Variants in ATP9B observed in about 807,000 individuals in gnomAD.
The protein encoded by ATP9B is ATPase phospholipid transporting 9B.
In ATP9B, 110 loss-of-function variants were observed where a neutral mutation model predicts 146.1. That is an observed-to-expected ratio of 0.75 (90% CI 0.65 to 0.88). ATP9B has a LOEUF of 0.88. ATP9B is among the 40% of genes least tolerant of loss of function. ATP9B has a pLI of 0.00. For missense variants in ATP9B, 1,499 were observed against 1,496.4 expected (o/e 1.00, Z -0.03); for synonymous variants, 604 against 569.7 (o/e 1.06, Z -0.86).
intron 15 of ATP9B, 79 bp downstream of exon 15, chr18:79,307,313 A>T: frequency 6.3e-7 from 1 of 1,585,864 alleles, no homozygotes; most frequent in East Asian, 2.2e-5. Context: ...TCTTTCTGGG[A>T]TGGGGAATAT....
At chr18:79,162,590 C>T (rs538296355) in intron 7 of ATP9B, among the ~76,000 whole-genome samples, 30 of 152,024 alleles carry the variant, frequency 2.0e-4, no homozygotes, top group East Asian at 3.9e-4. Context: ...GTTAGTGGGA[C>T]GGGGTGGTGG....
At chr18:79,318,273 C>T (rs541255431) in intron 15 of ATP9B, among the ~76,000 whole-genome samples, 3 of 152,350 alleles carry the variant, frequency 2.0e-5, no homozygotes, top group South Asian at 4.1e-4. Flanking sequence ...AGTAGCTTGA[C>T]GACCTCAGTC....
chr18:79,277,307 G>A, intron 13 of ATP9B, 111 bp downstream of exon 13: 2 of 1,333,866 alleles, frequency 1.5e-6, no homozygotes, highest in East Asian at 2.4e-5. Context: ...GTATGTATTG[G>A]AACAGATCAT....
chr18:79,246,024 AGGAGGGCACCGCCCTACTGACTGTGC>A (rs1568484779), intron 11 of ATP9B, among the ~76,000 whole-genome samples: 4 of 103,892 alleles, frequency 3.9e-5, no homozygotes, highest in Non-Finnish European at 2.0e-5. Context: ...CTACTGACTG[AGGAGGGCACCGCCCTACTGACTGTGC>A]GGAGGGCACC....
chr18:79,285,821 CA>C (rs2096433206), intron 13 of ATP9B, among the ~76,000 whole-genome samples: 1 of 152,144 alleles, frequency 6.6e-6, no homozygotes, highest in African/African-American at 2.4e-5. Context: ...GATCCAGTTT[CA>C]GCTTTCTACA....
chr18:79,294,096 T>C (rs1190372527), intron 13 of ATP9B, among the ~76,000 whole-genome samples: 1 of 152,176 alleles, frequency 6.6e-6, no homozygotes, highest in Non-Finnish European at 1.5e-5. Context: ...TGGATTAAAA[T>C]AGTGCTTTAA....
Position 79,210,327 on chromosome 18 carries a change from C to T in ATP9B, c.1030+3315C>T, listed in dbSNP as rs77112861. Among the ~76,000 whole-genome samples, 1,256 of 152,332 alleles carry T rather than the reference C, an allele frequency of 8.2e-3. 49 individuals are homozygous for T. The highest frequency in any genetic ancestry group is 0.068 in the Admixed American group (1,033 of 15,294). On this transcript the variant is annotated intron_variant, in intron 10 of 29. Transcript: ENST00000426216. ...CAAGGTTGACAAAAGTGTGACGGGG[C>T]TGTCAGAGGGCAATCCCTGGCCATG...
intron 12 of ATP9B, among the ~76,000 whole-genome samples, chr18:79,269,940 TAAGCTTTTCTAACCTTGAA>T (rs1386944752): frequency 1.3e-5 from 2 of 152,358 alleles, no homozygotes; most frequent in East Asian, 3.9e-4. Context: ...GATAGAAAAC[TAAGCTTTTCTAACCTTGAA>T]AAGCTCCTGC....
chr18:79,199,206 C>T (rs1472479055), intron 9 of ATP9B, among the ~76,000 whole-genome samples: 1 of 152,028 alleles, frequency 6.6e-6, no homozygotes, highest in Admixed American at 6.6e-5. Flanking sequence ...CTGCCTTGGC[C>T]TCCCAAAGTG....
rs761759241 is a variant in ATP9B at position 79,110,411 on chromosome 18, C to T, written c.350C>T (p.Thr117Ile). ...AGAAAGAAAGAGCTGAAAGCTCGCACAGTATGGCTTGGATGTCCTGAAAAG... is the reference window on the plus strand; with the variant it reads ...AGAAAGAAAGAGCTGAAAGCTCGCATAGTATGGCTTGGATGTCCTGAAAAG... The part of the protein sequence containing the change: ...CRRKKELKAR[T>I]VWLGCPEKCE... The change falls in exon 3 of 30, where the codon ACA becomes ATA. Residue 117 changes from threonine (T) to isoleucine (I), a missense_variant. Thr to Ile is a moderately conservative substitution (Grantham distance 89). Transcript: ENST00000426216. 1.2e-5 allele frequency: 19 copies of T among 1,610,848 alleles called. No homozygotes were observed. Among genetic ancestry groups the T allele is most frequent in the Non-Finnish European group, 1.4e-5 (17 of 1,178,154 alleles).
At chr18:79,355,022 G>A (rs898477799) in intron 25 of ATP9B, among the ~76,000 whole-genome samples, 4 of 152,200 alleles carry the variant, frequency 2.6e-5, no homozygotes, top group Non-Finnish European at 5.9e-5. Context: ...CGATGCACCC[G>A]GCATCTGCAG....
rs1348299675 is a variant in ATP9B, at chr18:79,377,435, C to T, written c.*52C>T. 6.3e-7 allele frequency: 1 copy of T among 1,587,564 alleles called. No individual in the cohort carries two copies. Among genetic ancestry groups the T allele is most frequent in the Non-Finnish European group, 8.5e-7 (1 of 1,170,822 alleles). On this transcript the variant is annotated 3_prime_UTR_variant, in exon 30 of 30. Coordinates refer to ENST00000426216, the MANE Select transcript of ATP9B (RefSeq NM_198531.5). ...CCCCAGCACCTTCTGCCCTTCCCAG[C>T]ACCTTGTGCCCTTGCCAGTGAACGC...
chr18:79,251,452 G>A (rs1385505549), intron 11 of ATP9B, among the ~76,000 whole-genome samples: 2 of 152,176 alleles, frequency 1.3e-5, no homozygotes, highest in African/African-American at 2.4e-5. Flanking sequence ...GATCACTGGT[G>A]TTCATCTTAT....
chr18:79,262,228 A>T (rs1453661050), intron 12 of ATP9B, among the ~76,000 whole-genome samples: 1 of 151,856 alleles, frequency 6.6e-6, no homozygotes, highest in African/African-American at 2.4e-5. Context: ...AAAGCCAAAA[A>T]CCATTCCCTA....
intron 9 of ATP9B, among the ~76,000 whole-genome samples, chr18:79,199,489 T>A (rs1232846826): frequency 1.3e-5 from 2 of 151,930 alleles, no homozygotes; most frequent in East Asian, 1.9e-4. Flanking sequence ...CAGCTGGGCG[T>A]GGTGGCTCAC....
intron 4 of ATP9B, 46 bp from the exon 5 acceptor site, chr18:79,126,221 T>C: frequency 1.3e-6 from 2 of 1,486,606 alleles, no homozygotes; most frequent in Non-Finnish European, 9.2e-7. Context: ...TTTTGTCTTT[T>C]TTGTTAAAGT....
chr18:79,327,563 T>G (rs1323525235), intron 15 of ATP9B, among the ~76,000 whole-genome samples: 9 of 130,398 alleles, frequency 6.9e-5, no homozygotes, highest in African/African-American at 2.4e-4. Context: ...TAGCGTGCTC[T>G]CCGTGGTTAG....
intron 11 of ATP9B, among the ~76,000 whole-genome samples, chr18:79,250,568 A>T (rs1022108294): frequency 2.0e-5 from 3 of 152,148 alleles, no homozygotes; most frequent in Non-Finnish European, 4.4e-5. Context: ...CCCTGGCTTA[A>T]TTTTTCTTCA....
At chr18:79,294,305 G>A (rs1032046744) in intron 13 of ATP9B, among the ~76,000 whole-genome samples, 16 of 152,292 alleles carry the variant, frequency 1.1e-4, no homozygotes, top group African/African-American at 3.4e-4. Context: ...TGATGAATTC[G>A]TGGGCCTAGG....
Sources: allele counts gnomAD v4.1 joint callset (sites outside exome capture counted in the v4.1 genomes callset), GRCh38; gene constraint gnomAD v4.1.1; transcripts MANE v1.5; gene names NCBI Gene and HGNC (gene_info 2026-07-23, HGNC 2026-07-21).